Variants in DNAAF9 observed in about 807,000 individuals in gnomAD.
DNAAF9 encodes shulin.
A neutral mutation model predicts 167.0 loss-of-function variants in DNAAF9; 90 were observed. That is an observed-to-expected ratio of 0.54 (90% CI 0.45 to 0.64). DNAAF9 has a LOEUF of 0.64. DNAAF9 is among the 30% of genes least tolerant of loss of function. DNAAF9 has a pLI of 0.00. For missense variants in DNAAF9, 1,315 were observed against 1,442.2 expected, an observed-to-expected ratio of 0.91 and a Z score of 1.43; for synonymous variants, 491 against 508.8, an observed-to-expected ratio of 0.96 and a Z score of 0.47.
chr20:3,360,289 G>T (rs556302955), intron 6 of DNAAF9: 1 of 152,136 alleles, frequency 6.6e-6, no homozygotes, highest in South Asian at 2.1e-4. Context: ...TTCTGGCAAA[G>T]ATGTAGTTCT....
intron 27 of DNAAF9, 67 bp downstream of exon 27, chr20:3,287,565 T>C (rs1239662104): frequency 1.3e-6 from 2 of 1,497,736 alleles, no homozygotes; most frequent in East Asian, 4.5e-5. Flanking sequence ...TTGTTACACA[T>C]AAAATAAGAG....
intron 1 of DNAAF9, among the ~76,000 whole-genome samples, chr20:3,395,436 A>G (rs1215732449): frequency 6.6e-6 from 1 of 151,894 alleles, no homozygotes; most frequent in Non-Finnish European, 1.5e-5. Context: ...GTGCGCCACT[A>G]TGCCCAGCTG....
chr20:3,266,913 C>T (rs1381826903), intron 30 of DNAAF9, among the ~76,000 whole-genome samples: 6 of 147,954 alleles, frequency 4.1e-5, no homozygotes, highest in South Asian at 4.3e-4. Context: ...AGTGCAATGG[C>T]GCAATCTCGG....
chr20:3,295,199 G>A (rs2069047476), intron 23 of DNAAF9, among the ~76,000 whole-genome samples: 1 of 149,216 alleles, frequency 6.7e-6, no homozygotes, highest in Non-Finnish European at 1.5e-5. Flanking sequence ...TTGAGACAGA[G>A]TCTGGCTCTG....
At chr20:3,312,037 G>A (rs937778895) in intron 20 of DNAAF9, among the ~76,000 whole-genome samples, 1 of 146,294 alleles carries the variant, frequency 6.8e-6, no homozygotes, top group African/African-American at 2.5e-5. Context: ...TGCCCAGGCT[G>A]GAGTGCAATG....
At chr20:3,272,054 C>T (rs976388937) in intron 29 of DNAAF9, among the ~76,000 whole-genome samples, 8 of 152,078 alleles carry the variant, frequency 5.3e-5, no homozygotes, top group African/African-American at 2.4e-5. Flanking sequence ...AGCTCATCCC[C>T]GGCTCCCCTA....
chr20:3,392,835 C>A (rs2083845156), intron 1 of DNAAF9, among the ~76,000 whole-genome samples: 1 of 152,126 alleles, frequency 6.6e-6, no homozygotes, highest in Admixed American at 6.5e-5. Flanking sequence ...CTAATATATT[C>A]TTCTTATATC....
chr20:3,296,893 C>T lies in DNAAF9; in HGVS notation c.1986G>A (p.Gln662=). ...DNSGISLKVI[Q]EDGLSVEQKR... ...TTTGTTCCACAGATAATCCATCTTC[C>T]TGGATCACTTTTAAAGAGATCCCTG... Residue 662 remains glutamine (Q), a synonymous_variant, in exon 23 of 37, where the codon CAG becomes CAA. Transcript: ENST00000252032. The T allele has an allele frequency of 1.2e-6, 2 of 1,611,314 alleles. No individual in the cohort carries two copies. The highest frequency in any genetic ancestry group is 1.7e-6 in the Non-Finnish European group (2 of 1,177,480).
chr20:3,259,404 G>A, intron 33 of DNAAF9, 76 bp downstream of exon 33: 1 of 961,892 alleles, frequency 1.0e-6, no homozygotes, highest in Non-Finnish European at 1.7e-6. Flanking sequence ...CAGAGCACCA[G>A]CAGAGGCTCT....
intron 27 of DNAAF9, among the ~76,000 whole-genome samples, chr20:3,285,251 T>TGAA (rs2068830751): frequency 6.6e-6 from 1 of 152,060 alleles, no homozygotes; most frequent in African/African-American, 2.4e-5. Flanking sequence ...ATGCTATAAA[T>TGAA]GAAAATAAAG....
chr20:3,367,903 T>C (rs1248229269), intron 6 of DNAAF9, among the ~76,000 whole-genome samples: 1 of 130,186 alleles, frequency 7.7e-6, no homozygotes, highest in African/African-American at 3.0e-5. Flanking sequence ...CCACAAACCA[T>C]CAATTTGTTT....
chr20:3,274,869 G>A (rs2068652245), intron 29 of DNAAF9, among the ~76,000 whole-genome samples: 1 of 152,224 alleles, frequency 6.6e-6, no homozygotes, highest in South Asian at 2.1e-4. Context: ...ACAAGCCAAG[G>A]CAGCTACACT....
At chr20:3,307,887 G>C (rs996924099) in intron 20 of DNAAF9, among the ~76,000 whole-genome samples, 2 of 150,758 alleles carry the variant, frequency 1.3e-5, no homozygotes, top group South Asian at 2.1e-4. Context: ...ATTTATCACT[G>C]CTGGGGAAAT....
intron 31 of DNAAF9, among the ~76,000 whole-genome samples, chr20:3,261,796 T>A (rs1281912267): frequency 6.6e-6 from 1 of 151,532 alleles, no homozygotes; most frequent in Non-Finnish European, 1.5e-5. Flanking sequence ...CTTCTCCCCA[T>A]CCAAACAAGT....
At chr20:3,322,757 G>T in intron 14 of DNAAF9, 61 bp from the exon 15 acceptor site, 3 of 1,193,966 alleles carry the variant, frequency 2.5e-6, no homozygotes, top group Non-Finnish European at 3.8e-6. Context: ...AGATACCTGT[G>T]CAGGGTACCT....
At chr20:3,372,104 T>C (rs1264525401) in intron 6 of DNAAF9, among the ~76,000 whole-genome samples, 1 of 152,206 alleles carries the variant, frequency 6.6e-6, no homozygotes, top group Non-Finnish European at 1.5e-5. Context: ...TTCTTCTGGG[T>C]ATGGCCATAT....
chr20:3,256,508 T>C (rs1324372753), intron 33 of DNAAF9, among the ~76,000 whole-genome samples: 2 of 152,088 alleles, frequency 1.3e-5, no homozygotes, highest in Non-Finnish European at 2.9e-5. Flanking sequence ...GGAGATCCCA[T>C]TTTGTTTTGT....
intron 11 of DNAAF9, 138 bp from the exon 12 acceptor site, chr20:3,330,820 TTAGC>T: frequency 1.8e-6 from 1 of 569,394 alleles, no homozygotes; most frequent in Non-Finnish European, 3.1e-6. Flanking sequence ...GAGACACAGT[TTAGC>T]TTTGTCGCCC....
chr20:3,306,717 G>A (rs930638463), intron 20 of DNAAF9, among the ~76,000 whole-genome samples: 5 of 151,958 alleles, frequency 3.3e-5, no homozygotes, highest in African/African-American at 1.2e-4. Flanking sequence ...ATCTGTAGAT[G>A]TGCCTTCTCT....
Sources: gnomAD v4.1 joint callset for allele counts (sites outside exome capture counted in the v4.1 genomes callset) on GRCh38, gnomAD v4.1.1 for gene constraint, MANE v1.5 for transcripts, NCBI Gene and HGNC (gene_info 2026-07-23, HGNC 2026-07-21) for gene names.